CCDC7: variants seen among roughly 807,000 people sequenced by gnomAD.
CCDC7 encodes coiled-coil domain-containing protein 7.
A neutral mutation model predicts 196.9 loss-of-function variants in CCDC7; 183 were observed. That is an observed-to-expected ratio of 0.93 (90% CI 0.82 to 1.05). CCDC7 has a LOEUF of 1.05. CCDC7 is among the 50% of genes least tolerant of loss of function. The pLI is 0.00. For synonymous variants in CCDC7, 525 were observed against 484.6 expected (o/e 1.08, Z -1.10); for missense variants, 1,540 against 1,482.2 (o/e 1.04, Z -0.64).
At chr10:32,656,643 A>G (rs563776327) in intron 20 of CCDC7, among the ~76,000 whole-genome samples, 4 of 152,278 alleles carry the variant, frequency 2.6e-5, no homozygotes, top group Admixed American at 6.5e-5. Flanking sequence ...GGTCCCTCCC[A>G]TGTCATGTGG....
chr10:32,494,387 T>TC (rs2042590825), intron 9 of CCDC7, among the ~76,000 whole-genome samples: 1 of 37,840 alleles, frequency 2.6e-5, no homozygotes, highest in Non-Finnish European at 1.9e-4. Flanking sequence ...GCTATGTCTG[T>TC]TTTTTTTTTT....
chr10:32,530,176 T>C (rs910052110), intron 11 of CCDC7, among the ~76,000 whole-genome samples: 1 of 152,214 alleles, frequency 6.6e-6, no homozygotes, highest in African/African-American at 2.4e-5. Context: ...GACTATAGCC[T>C]TATAGTATAG....
At chr10:32,750,595 T>C (rs2075508483) in intron 28 of CCDC7, among the ~76,000 whole-genome samples, 1 of 152,098 alleles carries the variant, frequency 6.6e-6, no homozygotes, top group South Asian at 2.1e-4. Context: ...CTTGATCTCA[T>C]TGTATTTCCT....
chr10:32,623,866 C>T (rs1298748520), intron 18 of CCDC7: 2 of 448,506 alleles, frequency 4.5e-6, no homozygotes, highest in Non-Finnish European at 9.2e-6. Context: ...CACACGTGAA[C>T]AACCAGATTT....
chr10:32,728,888 T>C, exon 27 of CCDC7: 1 of 1,564,826 alleles, frequency 6.4e-7, no homozygotes, highest in Non-Finnish European at 8.8e-7. Context: ...TTGATATAGC[T>C]CGTATTGTAG....
chr10:32,547,680 A>G (rs1423397904), intron 13 of CCDC7, among the ~76,000 whole-genome samples: 1 of 152,242 alleles, frequency 6.6e-6, no homozygotes, highest in Non-Finnish European at 1.5e-5. Flanking sequence ...CATACAATGC[A>G]TAATAATCAC....
intron 20 of CCDC7, among the ~76,000 whole-genome samples, chr10:32,660,795 C>T (rs1260059834): frequency 1.7e-4 from 25 of 150,700 alleles, no homozygotes; most frequent in Admixed American, 1.6e-3. Context: ...AAACTGGATC[C>T]CTTCCTTACA....
At chr10:32,558,318 G>A (rs1306098664) in intron 13 of CCDC7, among the ~76,000 whole-genome samples, 1 of 152,004 alleles carries the variant, frequency 6.6e-6, no homozygotes. Flanking sequence ...GATTTAAAAT[G>A]TAAATTCTAT....
chr10:32,559,068 G>A (rs1359628832), intron 13 of CCDC7, among the ~76,000 whole-genome samples: 3 of 152,244 alleles, frequency 2.0e-5, no homozygotes, highest in Admixed American at 2.0e-4. Flanking sequence ...CTGATTGCTA[G>A]CACAGCACTC....
At chr10:32,505,143 A>G (rs1440215553) in intron 9 of CCDC7, among the ~76,000 whole-genome samples, 1 of 146,268 alleles carries the variant, frequency 6.8e-6, no homozygotes, top group Non-Finnish European at 1.5e-5. Context: ...TGACCCCTTT[A>G]TAATTTTTTT....
At chr10:32,817,796 T>C (rs1403688797) in intron 31 of CCDC7, among the ~76,000 whole-genome samples, 1 of 152,156 alleles carries the variant, frequency 6.6e-6, no homozygotes, top group Non-Finnish European at 1.5e-5. Flanking sequence ...TTGAGAGATT[T>C]TGTCACCACC....
intron 23 of CCDC7, among the ~76,000 whole-genome samples, chr10:32,690,350 G>C (rs907453204): frequency 1.3e-5 from 2 of 152,154 alleles, no homozygotes; most frequent in South Asian, 4.1e-4. Flanking sequence ...TGGTAGCCTT[G>C]TGGAAGGATA....
At chr10:32,582,830 T>C (rs1372539557) in intron 16 of CCDC7, among the ~76,000 whole-genome samples, 1 of 152,214 alleles carries the variant, frequency 6.6e-6, no homozygotes, top group Non-Finnish European at 1.5e-5. Context: ...ATTTCCTTAG[T>C]ATTATGTATC....
At chr10:32,813,849 T>C (rs2087724663) in intron 30 of CCDC7, among the ~76,000 whole-genome samples, 2 of 152,240 alleles carry the variant, frequency 1.3e-5, no homozygotes, top group African/African-American at 4.8e-5. Flanking sequence ...TAAGCCTGAA[T>C]ATAGTCTGGC....
intron 41 of CCDC7, among the ~76,000 whole-genome samples, chr10:32,869,983 C>G (rs946506771): frequency 2.0e-5 from 3 of 151,976 alleles, no homozygotes; most frequent in African/African-American, 7.2e-5. Flanking sequence ...GTACCATGCT[C>G]TTTGCTTACT....
At chr10:32,525,164 C>T (rs2048464595) in intron 11 of CCDC7, among the ~76,000 whole-genome samples, 1 of 150,982 alleles carries the variant, frequency 6.6e-6, no homozygotes, top group Non-Finnish European at 1.5e-5. Context: ...TTAATGGGTG[C>T]AGCAAATCAA....
At chr10:32,820,782 G>T (rs2090006292) in intron 31 of CCDC7, among the ~76,000 whole-genome samples, 1 of 152,162 alleles carries the variant, frequency 6.6e-6, no homozygotes, top group African/African-American at 2.4e-5. Flanking sequence ...GCTGAAACTA[G>T]ATAGCTTCCT....
intron 13 of CCDC7, among the ~76,000 whole-genome samples, chr10:32,554,165 A>G (rs1589811841): frequency 6.6e-6 from 1 of 151,706 alleles, no homozygotes; most frequent in Admixed American, 6.6e-5. Flanking sequence ...GTTGCTCCCA[A>G]CCTCCCCTGC....
chr10:32,704,668 A>T (rs2784587), intron 24 of CCDC7, among the ~76,000 whole-genome samples: 149,790 of 152,200 alleles, frequency 0.98, 73,751 homozygotes, highest in Middle Eastern at 1. Flanking sequence ...CAGTTCGAAC[A>T]TCCCAGCCGC....
Sources: gnomAD v4.1 joint callset for allele counts (sites outside exome capture counted in the v4.1 genomes callset) on GRCh38, gnomAD v4.1.1 for gene constraint, MANE v1.5 for transcripts, NCBI Gene and HGNC (gene_info 2026-07-23, HGNC 2026-07-21) for gene names.